EXOC1: variants seen among roughly 807,000 people sequenced by gnomAD.
EXOC1 encodes SEC3-like 1.
A neutral mutation model predicts 107.7 loss-of-function variants in EXOC1; 67 were observed. The observed-to-expected ratio is 0.62, with a 90% CI of 0.51 to 0.76. EXOC1 has a LOEUF of 0.76. EXOC1 is among the 30% of genes least tolerant of loss of function. The pLI, the probability that EXOC1 is intolerant of heterozygous loss-of-function variation, is 0.00. For missense variants in EXOC1, 833 were observed against 1,055.7 expected (o/e 0.79, Z 2.92); for synonymous variants, 348 against 353.5 (o/e 0.98, Z 0.17).
At chr4:55,898,246 GACCCT>G (rs1238988047) in intron 16 of EXOC1, among the ~76,000 whole-genome samples, 1 of 152,120 alleles carries the variant, frequency 6.6e-6, no homozygotes, top group African/African-American at 2.4e-5. Flanking sequence ...GACAAAGCCA[GACCCT>G]GTCTTAAAAA....
intron 15 of EXOC1, among the ~76,000 whole-genome samples, chr4:55,895,237 G>A (rs1725065754): frequency 1.3e-5 from 2 of 152,096 alleles, no homozygotes; most frequent in Admixed American, 6.6e-5. Flanking sequence ...TGCTTACTGT[G>A]TACCAGGCAC....
intron 16 of EXOC1, 148 bp from the exon 17 acceptor site, chr4:55,899,537 A>G: frequency 1.6e-6 from 1 of 624,840 alleles, no homozygotes; most frequent in Non-Finnish European, 2.7e-6. Flanking sequence ...GTAGATCTGA[A>G]GACTCCCATT....
chr4:55,878,070 T>C lies in EXOC1; in HGVS notation c.1224+4T>C. ...AAAATATGAAGGACTAACAAAGGTA[T>C]GGATTTGACGTCATTTACTCACTGA... On this transcript the variant is annotated splice_donor_region_variant and intron_variant, in intron 9 of 18. Coordinates refer to ENST00000381295, the MANE Select transcript of EXOC1 (RefSeq NM_001024924.2). The C allele has an allele frequency of 6.2e-7, 1 of 1,612,132 alleles. No individual in the cohort carries two copies.
chr4:55,875,549 T>C, intron 8 of EXOC1: 1 of 981,398 alleles, frequency 1.0e-6, no homozygotes, highest in South Asian at 4.7e-5. Context: ...TCCTACCTCC[T>C]AGCTGGGTTA....
chr4:55,899,048 T>C (rs1352281760), intron 16 of EXOC1, among the ~76,000 whole-genome samples: 1 of 152,170 alleles, frequency 6.6e-6, no homozygotes, highest in African/African-American at 2.4e-5. Context: ...ATGCTGGGTT[T>C]TACTAGGTAT....
intron 4 of EXOC1, among the ~76,000 whole-genome samples, chr4:55,867,152 G>C (rs1264397111): frequency 6.6e-6 from 1 of 152,022 alleles, no homozygotes. Flanking sequence ...GAATGATTTG[G>C]GCAGTCCCTG....
intron 16 of EXOC1, among the ~76,000 whole-genome samples, chr4:55,897,989 C>A (rs912332954): frequency 6.6e-6 from 1 of 152,272 alleles, no homozygotes; most frequent in Admixed American, 6.5e-5. Context: ...GGCACAGTGG[C>A]CCACACCTGT....
chr4:55,904,285 A>T, intron 18 of EXOC1, 58 bp from the exon 19 acceptor site: 1 of 1,483,268 alleles, frequency 6.7e-7, no homozygotes, highest in South Asian at 1.4e-5. Context: ...TTATTTCTGC[A>T]TACTAGATTA....
chr4:55,881,501 C>T lies in EXOC1; in HGVS notation c.1225-2322C>T, dbSNP rs142175781. On this transcript the variant is annotated intron_variant, in intron 9 of 18. Transcript: ENST00000381295. ...ATGATACAGCCTCAGGAGGTCCTGA[C>T]GACATGTGCCCAAGGTGGTCCGAGC... is the stretch of plus-strand genomic sequence containing the variant. Among the ~76,000 whole-genome samples the T allele has an allele frequency of 6.2e-4, 94 of 152,182 alleles. 1 individual carries two copies. Among genetic ancestry groups the T allele is most frequent in the African/African-American group, 2.1e-3 (87 of 41,530 alleles).
rs371753725 is a variant in EXOC1 at position 55,896,940 on chromosome 4, T to C, written c.2137+40T>C. 5.0e-4 allele frequency: 754 copies of C among 1,504,674 alleles called. 2 individuals carry two copies. Among genetic ancestry groups the C allele is most frequent in the Admixed American group, 7.1e-4 (28 of 39,484 alleles). The allele number at this position is 1,504,674 out of a possible 1,614,324, so 93.2% of individuals were successfully genotyped here. A position where few individuals can be genotyped will look rare whatever the true frequency, so the allele number is the denominator to read the frequency against. On this transcript the variant is annotated intron_variant, in intron 16 of 18. Coordinates refer to ENST00000381295, the MANE Select transcript of EXOC1 (RefSeq NM_001024924.2). The stretch of plus-strand genomic sequence containing the variant: ...TGTTCTAAAGAATTGTTATAGCTAT[T>C]GTTTTTATTTCTGGTAACTAAGAAA...
At chr4:55,884,587 A>T (rs989117573) in intron 10 of EXOC1, among the ~76,000 whole-genome samples, 2 of 152,214 alleles carry the variant, frequency 1.3e-5, no homozygotes, top group Non-Finnish European at 2.9e-5. Flanking sequence ...AGTTATGAGG[A>T]AGGTGATTTG....
At chr4:55,854,184 A>G (rs1430737077) in intron 1 of EXOC1, among the ~76,000 whole-genome samples, 3 of 78,698 alleles carry the variant, frequency 3.8e-5, no homozygotes, top group Non-Finnish European at 5.1e-5. Flanking sequence ...CCCAACCCCA[A>G]CTCCCCCCCA....
At position 55,871,212 on chromosome 4, in the gene EXOC1, A is replaced by C; in HGVS notation, c.943A>C (p.Met315Leu). The C allele has an allele frequency of 6.2e-7, 1 of 1,613,502 alleles. No individual in the cohort carries two copies. Among genetic ancestry groups the C allele is most frequent in the Non-Finnish European group, 8.5e-7 (1 of 1,179,594 alleles). ...TGCTGCTGATGCCCTTCTGCAGTGC[A>C]TGAATGTAGCTCTTCGACCAGGTAT... ...TNAADALLQCMNVALRPGHDL... is the reference protein window; with the variant it reads ...TNAADALLQCLNVALRPGHDL... The change falls in exon 7 of 19, where the codon ATG (methionine) becomes CTG (leucine). Residue 315 changes from methionine (M) to leucine (L), a missense_variant. Around this residue, in one of 2 missense-constraint regions of EXOC1, gnomAD observed 617 missense variants for 701.3 expected, o/e 0.88. Coordinates refer to ENST00000381295, the MANE Select transcript of EXOC1 (RefSeq NM_001024924.2).
intron 5 of EXOC1, among the ~76,000 whole-genome samples, chr4:55,870,205 C>T (rs1176892094): frequency 6.6e-6 from 1 of 152,242 alleles, no homozygotes; most frequent in Non-Finnish European, 1.5e-5. Context: ...TATACCACTG[C>T]TGCTTTCTCA....
chr4:55,903,146 T>TAAAA (rs1560369832), intron 18 of EXOC1, among the ~76,000 whole-genome samples: 1 of 88,920 alleles, frequency 1.1e-5, no homozygotes, highest in Non-Finnish European at 2.1e-5. Flanking sequence ...CGTGTCTCAA[T>TAAAA]TAAAAAAAAA....
intron 9 of EXOC1, chr4:55,882,799 A>T (rs1385052339): frequency 6.6e-6 from 1 of 152,200 alleles, no homozygotes; most frequent in South Asian, 2.1e-4. Flanking sequence ...TGTTCTAAAA[A>T]TTGACACATT....
Position 55,883,797 on chromosome 4 carries a change from G to T in EXOC1, c.1225-26G>T. The stretch of plus-strand genomic sequence containing the variant: ...ATTGTTATATGTGTTTTATTAATAA[G>T]AAGTACATGTTACTTTTATTTTAAG... On this transcript the variant is annotated intron_variant, in intron 9 of 18. Coordinates refer to ENST00000381295, the MANE Select transcript of EXOC1 (RefSeq NM_001024924.2). 2.2e-6 allele frequency: 3 copies of T among 1,382,066 alleles called. No individual in the cohort carries two copies. In the East Asian group the frequency reaches 7.6e-5, roughly 35 times the overall value. The allele number at this position is 1,382,066 out of a possible 1,614,324, so 85.6% of individuals were successfully genotyped here. A position where few individuals can be genotyped will look rare whatever the true frequency, so the allele number is the denominator to read the frequency against.
chr4:55,855,417 A>C (rs1464449726), intron 1 of EXOC1, among the ~76,000 whole-genome samples: 1 of 152,174 alleles, frequency 6.6e-6, no homozygotes, highest in Non-Finnish European at 1.5e-5. Flanking sequence ...ATAGATGTGA[A>C]AGTTAGGAAA....
chr4:55,890,533 A>T, intron 12 of EXOC1, 147 bp downstream of exon 12: 3 of 294,928 alleles, frequency 1.0e-5, no homozygotes, highest in East Asian at 6.3e-5. Context: ...GAATCTGGGA[A>T]AAAAAAAAAA....
Sources: allele counts gnomAD v4.1 joint callset (sites outside exome capture counted in the v4.1 genomes callset), GRCh38; gene constraint gnomAD v4.1.1; regional missense constraint gnomAD v4.1.1; transcripts MANE v1.5; gene names NCBI Gene and HGNC (gene_info 2026-07-23, HGNC 2026-07-21).